LOC128462377: variants seen among roughly 807,000 people sequenced by gnomAD.
the LOC128462377 span, among the ~76,000 whole-genome samples, chr16:89,355,524 C>A: frequency 6.6e-5 from 10 of 152,194 alleles, no homozygotes; most frequent in African/African-American, 2.4e-4. Flanking sequence ...CCATGTCCGG[C>A]ACATGCTCTG....
the LOC128462377 span, among the ~76,000 whole-genome samples, chr16:89,366,714 C>G: frequency 6.6e-6 from 1 of 152,182 alleles, no homozygotes; most frequent in African/African-American, 2.4e-5. Flanking sequence ...CAACTGGACA[C>G]CATCCATGAC....
At chr16:89,415,572 T>C in the LOC128462377 span, among the ~76,000 whole-genome samples, 1 of 151,744 alleles carries the variant, frequency 6.6e-6, no homozygotes, top group Non-Finnish European at 1.5e-5. Flanking sequence ...CAAGCTATTC[T>C]TTTTTTAAAC....
the LOC128462377 span, chr16:89,370,749 G>C: frequency 6.6e-6 from 1 of 152,330 alleles, no homozygotes; most frequent in Non-Finnish European, 1.5e-5. Context: ...TGCTGGGAAA[G>C]GTTTCCATGA....
chr16:89,317,144 C>T, the LOC128462377 span: 2 of 1,048,202 alleles, frequency 1.9e-6, no homozygotes, highest in Non-Finnish European at 2.9e-6. Context: ...CACTCTCACA[C>T]CGCACTCAAC....
the LOC128462377 span, chr16:89,324,439 G>A: frequency 2.2e-6 from 1 of 464,938 alleles, no homozygotes. Context: ...CAAGGTAAGT[G>A]TGAGGGTTAC....
At chr16:89,326,928 C>T in the LOC128462377 span, among the ~76,000 whole-genome samples, 37 of 152,128 alleles carry the variant, frequency 2.4e-4, no homozygotes, top group Non-Finnish European at 5.0e-4. Flanking sequence ...TCCACAGACA[C>T]ACGACCAGGC....
the LOC128462377 span, among the ~76,000 whole-genome samples, chr16:89,360,310 T>G: frequency 1.3e-5 from 2 of 150,940 alleles, no homozygotes; most frequent in Non-Finnish European, 3.0e-5. Context: ...TTGCCCAAGC[T>G]GGCCTGAAAC....
At chr16:89,401,684 G>T in the LOC128462377 span, among the ~76,000 whole-genome samples, 19 of 152,066 alleles carry the variant, frequency 1.2e-4, no homozygotes, top group Non-Finnish European at 1.9e-4. Flanking sequence ...TGGGAAACAT[G>T]GTCTTTGCAG....
chr16:89,321,820 G>A, the LOC128462377 span, among the ~76,000 whole-genome samples: 7 of 152,234 alleles, frequency 4.6e-5, 1 homozygote, highest in Middle Eastern at 0.017. Context: ...TCACTTACAC[G>A]CAGATTTTCT....
the LOC128462377 span, among the ~76,000 whole-genome samples, chr16:89,396,563 G>C: frequency 6.6e-6 from 1 of 151,802 alleles, no homozygotes; most frequent in South Asian, 2.1e-4. Context: ...ACTTCAACTA[G>C]AACAACATAT....
chr16:89,356,899 G>C, the LOC128462377 span, among the ~76,000 whole-genome samples: 1,401 of 152,322 alleles, frequency 9.2e-3, 16 homozygotes, highest in South Asian at 0.042. Context: ...AGGCCCTGTG[G>C]CTGTAATCTC....
the LOC128462377 span, among the ~76,000 whole-genome samples, chr16:89,385,781 C>T: frequency 2.0e-5 from 3 of 152,230 alleles, no homozygotes; most frequent in African/African-American, 7.2e-5. Flanking sequence ...GCAGTGAGAC[C>T]GTGCCAGAGC....
chr16:89,375,879 G>A, the LOC128462377 span, among the ~76,000 whole-genome samples: 4 of 151,542 alleles, frequency 2.6e-5, no homozygotes, highest in Non-Finnish European at 5.9e-5. Context: ...AGTGCCACTA[G>A]CGATGCTGGC....
chr16:89,331,994 T>C, the LOC128462377 span, among the ~76,000 whole-genome samples: 5 of 151,902 alleles, frequency 3.3e-5, no homozygotes, highest in African/African-American at 1.2e-4. Flanking sequence ...TCAAAAAAAA[T>C]TTAAAAACTC....
the LOC128462377 span, among the ~76,000 whole-genome samples, chr16:89,376,899 A>T: frequency 0.03 from 4,500 of 152,322 alleles, 152 homozygotes; most frequent in African/African-American, 0.075. Context: ...AGGGTTTATG[A>T]TAAGGACTGC....
chr16:89,329,046 C>T, the LOC128462377 span: 2 of 152,914 alleles, frequency 1.3e-5, no homozygotes, highest in African/African-American at 4.8e-5. Context: ...GTGGACGCAC[C>T]CAGGAGCACG....
At chr16:89,348,247 T>A in the LOC128462377 span, among the ~76,000 whole-genome samples, 18 of 152,292 alleles carry the variant, frequency 1.2e-4, no homozygotes, top group South Asian at 2.1e-4. Flanking sequence ...TACCATTTTT[T>A]AAAAAAATCT....
chr16:89,407,054 CA>C, the LOC128462377 span, among the ~76,000 whole-genome samples: 1 of 151,956 alleles, frequency 6.6e-6, no homozygotes, highest in African/African-American at 2.4e-5. Context: ...GACATGGTGG[CA>C]GGCATCTGTA....
the LOC128462377 span, among the ~76,000 whole-genome samples, chr16:89,404,632 G>A: frequency 6.6e-6 from 1 of 152,238 alleles, no homozygotes; most frequent in Admixed American, 6.5e-5. Context: ...GAAGACAGAC[G>A]CAGTCACTAC....
Sources: allele counts gnomAD v4.1 joint callset (sites outside exome capture counted in the v4.1 genomes callset), GRCh38; gene constraint gnomAD v4.1.1; transcripts MANE v1.5.